Variants in AGAP1 observed in about 807,000 individuals in gnomAD.
AGAP1 encodes the protein ArfGAP with GTPase domain, ankyrin repeat and PH domain 1.
AGAP1 carries 29 observed loss-of-function variants against 105.3 expected under a neutral mutation model. The observed-to-expected ratio is 0.28, with a 90% CI of 0.21 to 0.38. AGAP1 has a LOEUF of 0.38. Among genes scored for constraint, AGAP1 ranks in the 10% least tolerant of loss-of-function variants. The probability of loss-of-function intolerance (pLI) is 1.00; values close to 1 mark genes in which losing one functional copy is unlikely to be tolerated. For missense variants in AGAP1, 998 were observed against 1,165.1 expected, an observed-to-expected ratio of 0.86 and a Z score of 2.09; for synonymous variants, 509 against 485.9, an observed-to-expected ratio of 1.05 and a Z score of -0.63.
intron 1 of AGAP1, among the ~76,000 whole-genome samples, chr2:235,564,567 C>T (rs1944277843): frequency 6.6e-6 from 1 of 152,244 alleles, no homozygotes; most frequent in African/African-American, 2.4e-5. Context: ...TTGAGCCTGA[C>T]ACAGGGCCAG....
chr2:235,566,235 G>T lies in AGAP1; in HGVS notation c.163+71386G>T, dbSNP rs1944342073. ...GCCTCCCAAGTAGCTGGGATTACAG[G>T]CATGCGCCACCACGCCTGGCTAATT... On this transcript the variant is annotated intron_variant, in intron 1 of 17. Transcript: ENST00000304032. This position sits in a 1 kb window ranked among gnomAD's most constrained non-coding sequence, Gnocchi z 5.2. Among the ~76,000 whole-genome samples, 1 of 152,110 alleles carries T rather than the reference G, an allele frequency of 6.6e-6. No homozygotes were observed. Among genetic ancestry groups the T allele is most frequent in the Non-Finnish European group, 1.5e-5 (1 of 68,028 alleles).
intron 1 of AGAP1, among the ~76,000 whole-genome samples, chr2:235,595,466 C>T (rs960238804): frequency 1.3e-5 from 2 of 152,218 alleles, no homozygotes; most frequent in African/African-American, 4.8e-5. Context: ...TGTGCCTGCT[C>T]CTGTGTTTTT....
At chr2:235,687,643 G>A (rs964414577) in intron 1 of AGAP1, among the ~76,000 whole-genome samples, 8 of 152,134 alleles carry the variant, frequency 5.3e-5, no homozygotes, top group Non-Finnish European at 8.8e-5. Flanking sequence ...ATGACCTGAT[G>A]AGTTTTCATT....
At chr2:235,899,631 T>C (rs2050968964) in intron 10 of AGAP1, among the ~76,000 whole-genome samples, 1 of 152,196 alleles carries the variant, frequency 6.6e-6, no homozygotes, top group African/African-American at 2.4e-5. Flanking sequence ...CATTTCCTTA[T>C]AAGTCAAAAT....
At chr2:236,028,682 ATC>A (rs2057131141) in intron 13 of AGAP1, among the ~76,000 whole-genome samples, 1 of 152,004 alleles carries the variant, frequency 6.6e-6, no homozygotes, top group African/African-American at 2.4e-5. Flanking sequence ...TTCCTTTCCA[ATC>A]TCTCGGTCTT....
chr2:235,505,929 C>CTTA (rs1421359956), intron 1 of AGAP1: 80 of 131,178 alleles, frequency 6.1e-4, no homozygotes, highest in African/African-American at 2.2e-3. Context: ...AAATTCTTTT[C>CTTA]TTTTTTTTTT....
Position 235,919,561 on chromosome 2 carries a change from A to G in AGAP1, c.1324+10655A>G, listed in dbSNP as rs1374929950. ...TGTGAGATCATTTTGTAAGAACTGG[A>G]AAGCAGAGAAAGAAGTAGTAGTGAA... On this transcript the variant is annotated intron_variant, in intron 11 of 17. Transcript: ENST00000304032. The surrounding 1 kb of genome is among the most constrained non-coding windows in gnomAD (Gnocchi z 4.1). Among the ~76,000 whole-genome samples, 1 of 152,132 alleles carries G rather than the reference A, an allele frequency of 6.6e-6. No individual in the cohort carries two copies. The highest frequency in any genetic ancestry group is 2.4e-5 in the African/African-American group (1 of 41,436).
chr2:235,548,945 G>A (rs1376901119), intron 1 of AGAP1, among the ~76,000 whole-genome samples: 1 of 152,164 alleles, frequency 6.6e-6, no homozygotes, highest in African/African-American at 2.4e-5. Flanking sequence ...TTTGTACCTG[G>A]TCCTTACAGA....
rs1332428133 is a variant in AGAP1, at chr2:236,072,616, A to AT, written c.2114+23338dup. 4 of 152,084 alleles carry AT rather than the reference A, an allele frequency of 2.6e-5. No individual in the cohort carries two copies. The East Asian group carries it at 7.7e-4, about 29-fold the overall frequency. The allele number at this position is 152,084 out of a possible 1,614,324, so 9.4% of individuals were successfully genotyped here. On this transcript the variant is annotated intron_variant, in intron 16 of 17. Coordinates refer to ENST00000304032, the MANE Select transcript of AGAP1 (RefSeq NM_001037131.3). ...ACCATGCCCAGCTAAATTTAATTTA[A>AT]TTTATTTATTTATGTAGGTAGGTGA...
chr2:235,739,576 T>G lies in AGAP1; in HGVS notation c.311-1387T>G, dbSNP rs989216009. On this transcript the variant is annotated intron_variant, in intron 3 of 17. Transcript: ENST00000304032. This position sits in a 1 kb window ranked among gnomAD's most constrained non-coding sequence, Gnocchi z 5.3. ...AACATCAAAAGGTTTTCTTCATTGT[T>G]GTGTTATTGAATGAACTGAACAGCA... Among the ~76,000 whole-genome samples, 1 of 152,220 alleles carries G rather than the reference T, an allele frequency of 6.6e-6. No homozygotes were observed. Among genetic ancestry groups the G allele is most frequent in the African/African-American group, 2.4e-5 (1 of 41,468 alleles).
intron 3 of AGAP1, among the ~76,000 whole-genome samples, chr2:235,726,064 A>G (rs569939987): frequency 6.6e-6 from 1 of 152,366 alleles, no homozygotes; most frequent in East Asian, 1.9e-4. Flanking sequence ...GTATTGTCCC[A>G]TATTGTTATA....
chr2:235,779,928 C>T (rs112236451), intron 6 of AGAP1, among the ~76,000 whole-genome samples: 8 of 152,290 alleles, frequency 5.3e-5, no homozygotes, highest in East Asian at 1.9e-4. Context: ...TTGGAATGTA[C>T]GCTGCAAAGT....
chr2:236,064,720 G>A (rs2058298181), intron 16 of AGAP1, among the ~76,000 whole-genome samples: 1 of 152,186 alleles, frequency 6.6e-6, no homozygotes, highest in Non-Finnish European at 1.5e-5. Flanking sequence ...CTGATTGCTG[G>A]TATCCTTTAA....
chr2:235,809,907 C>G (rs1958039689), intron 9 of AGAP1, among the ~76,000 whole-genome samples: 1 of 152,102 alleles, frequency 6.6e-6, no homozygotes, highest in South Asian at 2.1e-4. Context: ...CATACAAGAT[C>G]CCACTTAATC....
chr2:235,510,672 G>A (rs1218483762), intron 1 of AGAP1, among the ~76,000 whole-genome samples: 1 of 152,190 alleles, frequency 6.6e-6, no homozygotes, highest in Admixed American at 6.5e-5. Context: ...GTGTGAGAGT[G>A]TCCACTTTGG....
chr2:235,772,642 CCT>C (rs1955548997), intron 6 of AGAP1, among the ~76,000 whole-genome samples: 1 of 152,208 alleles, frequency 6.6e-6, no homozygotes, highest in Non-Finnish European at 1.5e-5. Context: ...TCTGGGAATG[CCT>C]CTCATAGCTG....
intron 6 of AGAP1, among the ~76,000 whole-genome samples, chr2:235,770,262 A>C (rs1955329218): frequency 6.6e-6 from 1 of 150,946 alleles, no homozygotes; most frequent in Non-Finnish European, 1.5e-5. Flanking sequence ...CCTCCCCAGT[A>C]GCTGGGACTA....
chr2:235,780,954 T>G (rs1015585637), intron 6 of AGAP1, among the ~76,000 whole-genome samples: 5 of 152,178 alleles, frequency 3.3e-5, no homozygotes, highest in Non-Finnish European at 7.3e-5. Flanking sequence ...ATTTTACATG[T>G]ATAAGAATAA....
At chr2:236,066,224 A>T (rs1379238962) in intron 16 of AGAP1, among the ~76,000 whole-genome samples, 1 of 151,846 alleles carries the variant, frequency 6.6e-6, no homozygotes, top group Non-Finnish European at 1.5e-5. Context: ...TTTGTTTTTT[A>T]TTGTTTTTGT....
Sources: gnomAD v4.1 joint callset for allele counts (sites outside exome capture counted in the v4.1 genomes callset) on GRCh38, gnomAD v4.1.1 for gene constraint, Gnocchi (gnomAD v3.1) non-coding constraint, MANE v1.5 for transcripts, NCBI Gene and HGNC (gene_info 2026-07-23, HGNC 2026-07-21) for gene names.